LRRC8C: variants seen among roughly 807,000 people sequenced by gnomAD.
The protein encoded by LRRC8C is volume-regulated anion channel subunit LRRC8C.
In LRRC8C, 20 loss-of-function variants were observed where a neutral mutation model predicts 55.3. That is an observed-to-expected ratio of 0.36 (90% CI 0.25 to 0.53). The LOEUF (loss-of-function observed/expected upper bound fraction) is 0.53. Ranked by LOEUF, LRRC8C falls within the 20% of genes least tolerant of loss-of-function variation. The probability of loss-of-function intolerance (pLI) is 0.92; values close to 1 mark genes in which losing one functional copy is unlikely to be tolerated. For synonymous variants in LRRC8C, 376 were observed against 360.7 expected (o/e 1.04, Z -0.48); for missense variants, 659 against 951.4 (o/e 0.69, Z 4.04).
chr1:89,690,812 C>T (rs758534908), intron 2 of LRRC8C, among the ~76,000 whole-genome samples: 1 of 152,152 alleles, frequency 6.6e-6, no homozygotes, highest in Non-Finnish European at 1.5e-5. Flanking sequence ...GCCTTCTCAG[C>T]ACCACCACTC....
At chr1:89,688,526 T>C (rs1657942582) in intron 2 of LRRC8C, among the ~76,000 whole-genome samples, 1 of 152,182 alleles carries the variant, frequency 6.6e-6, no homozygotes, top group African/African-American at 2.4e-5. Flanking sequence ...AAGGCCTCAT[T>C]GGAAAGGTGA....
intron 2 of LRRC8C, among the ~76,000 whole-genome samples, chr1:89,709,406 C>T (rs1394023616): frequency 2.0e-5 from 3 of 152,214 alleles, no homozygotes; most frequent in African/African-American, 7.2e-5. Context: ...TATAAAAACG[C>T]AGTTGCACTG....
At chr1:89,653,271 C>G (rs535179202) in intron 1 of LRRC8C, among the ~76,000 whole-genome samples, 1 of 152,206 alleles carries the variant, frequency 6.6e-6, no homozygotes, top group Admixed American at 6.5e-5. Context: ...TTTAAAATAA[C>G]AATAATGCCA....
At chr1:89,647,151 A>G (rs1219560725) in intron 1 of LRRC8C, among the ~76,000 whole-genome samples, 1 of 152,230 alleles carries the variant, frequency 6.6e-6, no homozygotes, top group Non-Finnish European at 1.5e-5. Context: ...GAACAAATCA[A>G]TTAAAAGTAA....
the LRRC8C span, among the ~76,000 whole-genome samples, chr1:89,624,619 A>G: frequency 6.6e-6 from 1 of 152,260 alleles, no homozygotes; most frequent in Non-Finnish European, 1.5e-5. Flanking sequence ...ATAGCTGAAG[A>G]AAACATCTAC....
At chr1:89,669,420 T>C (rs1026117896) in intron 1 of LRRC8C, among the ~76,000 whole-genome samples, 2 of 152,134 alleles carry the variant, frequency 1.3e-5, no homozygotes, top group African/African-American at 4.8e-5. Flanking sequence ...TTTAAGCGGG[T>C]AGATCTTATA....
intron 1 of LRRC8C, among the ~76,000 whole-genome samples, chr1:89,662,090 T>C (rs1431279672): frequency 6.6e-6 from 1 of 152,168 alleles, no homozygotes; most frequent in African/African-American, 2.4e-5. Flanking sequence ...TGGGACACAC[T>C]TGAAGAAGAA....
At chr1:89,645,958 C>CAGATAGATAGATAGATAGAT (rs57855698) in intron 1 of LRRC8C, among the ~76,000 whole-genome samples, 8,464 of 150,240 alleles carry the variant, frequency 0.056, 378 homozygotes, top group African/African-American at 0.11. Flanking sequence ...GGAAGATGAT[C>CAGATAGATAGATAGATAGAT]AGATAGATAG....
At chr1:89,640,240 T>C (rs949099608) in intron 1 of LRRC8C, among the ~76,000 whole-genome samples, 1 of 152,222 alleles carries the variant, frequency 6.6e-6, no homozygotes, top group Non-Finnish European at 1.5e-5. Context: ...AATTTTTGTA[T>C]TTTTAGTAGA....
intron 1 of LRRC8C, among the ~76,000 whole-genome samples, chr1:89,663,201 T>C (rs1380897441): frequency 6.6e-6 from 1 of 152,206 alleles, no homozygotes; most frequent in Admixed American, 6.5e-5. Context: ...ATGTGCCACA[T>C]TTTCTTTATC....
intron 1 of LRRC8C, among the ~76,000 whole-genome samples, chr1:89,648,535 G>A (rs1444092434): frequency 6.6e-6 from 1 of 152,136 alleles, no homozygotes; most frequent in East Asian, 1.9e-4. Context: ...CAGACAGGGT[G>A]AACCAAAACA....
intron 1 of LRRC8C, among the ~76,000 whole-genome samples, chr1:89,678,932 A>T (rs1222406192): frequency 3.3e-5 from 5 of 152,244 alleles, no homozygotes; most frequent in African/African-American, 1.2e-4. Context: ...GCCAAGTTTG[A>T]TGTGTCTAGT....
intron 1 of LRRC8C, among the ~76,000 whole-genome samples, chr1:89,638,515 A>G (rs1032776540): frequency 3.3e-5 from 5 of 152,312 alleles, no homozygotes; most frequent in African/African-American, 9.6e-5. Context: ...GCATGATTCT[A>G]TATCATGTTT....
rs1658789820 is a variant in LRRC8C, at chr1:89,715,401, C to T, written c.*419C>T. On this transcript the variant is annotated 3_prime_UTR_variant, in exon 3 of 3. Transcript: ENST00000370454. ...TTTCATTGTGTGTGTATCAAGGAATCTGTGCTAGTTATTTTAATACCAGCT... is the reference window on the plus strand; with the variant it reads ...TTTCATTGTGTGTGTATCAAGGAATTTGTGCTAGTTATTTTAATACCAGCT... 6.5e-6 allele frequency: 1 copy of T among 153,346 alleles called. No individual in the cohort carries two copies. The highest frequency in any genetic ancestry group is 6.5e-5 in the Admixed American group (1 of 15,290). 9.5% of individuals were successfully genotyped at this position (153,346 alleles called of 1,614,324 possible).
chr1:89,708,312 C>A (rs930170589), intron 2 of LRRC8C, among the ~76,000 whole-genome samples: 1 of 152,080 alleles, frequency 6.6e-6, no homozygotes, highest in Admixed American at 6.5e-5. Context: ...TCTCCCTGCC[C>A]CTACTCCAAG....
At chr1:89,650,448 C>G (rs1228122951) in intron 1 of LRRC8C, among the ~76,000 whole-genome samples, 1 of 151,274 alleles carries the variant, frequency 6.6e-6, no homozygotes, top group Non-Finnish European at 1.5e-5. Context: ...TCTTTTCTAC[C>G]AGCCAAAAAT....
intron 1 of LRRC8C, among the ~76,000 whole-genome samples, chr1:89,657,163 A>G (rs1346255124): frequency 1.3e-5 from 2 of 152,224 alleles, no homozygotes; most frequent in Admixed American, 6.5e-5. Flanking sequence ...CTGAAAATGC[A>G]GATGTCCAAT....
chr1:89,686,192 TTG>T (rs2101283591), intron 1 of LRRC8C, among the ~76,000 whole-genome samples: 1 of 152,312 alleles, frequency 6.6e-6, no homozygotes, highest in Non-Finnish European at 1.5e-5. Flanking sequence ...TAACTGGGAC[TTG>T]GAAAGTGTCT....
At position 89,713,530 on chromosome 1, in the gene LRRC8C, C is replaced by T; in HGVS notation, c.960C>T (p.Ser320=). The stretch of plus-strand genomic sequence containing the variant: ...TGGCACACTTGTTCTCAAAACTGTC[C>T]TTTTGCTATCTGTGCTTTGTTAGTA... The part of the protein sequence containing the change: ...HTMAHLFSKL[S]FCYLCFVSIY... Residue 320 remains serine (S), a synonymous_variant, in exon 3 of 3, where the codon TCC becomes TCT. Transcript: ENST00000370454. The surrounding 1 kb of genome is among the most constrained non-coding windows in gnomAD (Gnocchi z 5.2). 2 of 1,614,076 alleles carry T rather than the reference C, an allele frequency of 1.2e-6. No homozygotes were observed. Among genetic ancestry groups the T allele is most frequent in the Non-Finnish European group, 1.7e-6 (2 of 1,180,006 alleles).
Sources: gnomAD v4.1 joint callset for allele counts (sites outside exome capture counted in the v4.1 genomes callset) on GRCh38, gnomAD v4.1.1 for gene constraint, Gnocchi (gnomAD v3.1) non-coding constraint, MANE v1.5 for transcripts, NCBI Gene and HGNC (gene_info 2026-07-23, HGNC 2026-07-21) for gene names.